The following PCDH15 variants were observed in gnomAD, a reference collection of about 807,000 sequenced individuals.
PCDH15 encodes protocadherin related 15, also known as protocadherin-15.
A neutral mutation model predicts 178.5 loss-of-function variants in PCDH15; 129 were observed. That is an observed-to-expected ratio of 0.72 (90% CI 0.63 to 0.84). PCDH15 has a LOEUF of 0.84. Ranked by LOEUF, PCDH15 falls within the 40% of genes least tolerant of loss-of-function variation. The probability of loss-of-function intolerance (pLI) is 0.00; values close to 1 mark genes in which losing one functional copy is unlikely to be tolerated. For synonymous variants in PCDH15, 800 were observed against 732.0 expected, an observed-to-expected ratio of 1.09 and a Z score of -1.50; for missense variants, 2,230 against 2,099.9, an observed-to-expected ratio of 1.06 and a Z score of -1.21.
At position 54,787,452 on chromosome 10, in the gene PCDH15, T is replaced by C. The variant is rs551675612; in HGVS notation, c.-29+13473A>G. 2.0e-5 allele frequency among the ~76,000 whole-genome samples: 3 copies of C among 152,118 alleles called. No homozygotes were observed. The East Asian group carries it at 5.8e-4, about 30-fold the overall frequency. ...CATTATGTGATAGTCAACAATAGTG[T>C]CAAAATTCTAAACAATTTGATTCAA... is the stretch of plus-strand genomic sequence containing the variant. On this transcript the variant is annotated intron_variant, in intron 1 of 37. Coordinates refer to ENST00000644397, the MANE Select transcript of PCDH15 (RefSeq NM_001384140.1).
rs138386054 is a variant in PCDH15 at position 54,320,674 on chromosome 10, T to A, written c.706-3233A>T. Among the ~76,000 whole-genome samples, 508 of 152,130 alleles carry A rather than the reference T, an allele frequency of 3.3e-3. 12 individuals carry two copies. In the South Asian group the frequency reaches 0.051, roughly 15 times the overall value. On this transcript the variant is annotated intron_variant, in intron 7 of 37. Transcript: ENST00000644397. ...TATAGCTATGTCTATAATATATGAA[T>A]TAATAGACAAATGATGTAATGATTT...
intron 2 of PCDH15, among the ~76,000 whole-genome samples, chr10:55,538,451 TTC>T (rs1841644996): frequency 7.3e-6 from 1 of 137,868 alleles, no homozygotes; most frequent in African/African-American, 2.9e-5. Flanking sequence ...CCTTCCTTCC[TTC>T]TTTCCTTCCT....
At chr10:53,962,074 A>G (rs1283418343) in intron 21 of PCDH15, among the ~76,000 whole-genome samples, 182 bp from the exon 22 acceptor site, 1 of 77,392 alleles carries the variant, frequency 1.3e-5, no homozygotes. Flanking sequence ...ACTCAATCTG[A>G]ATCAATGAAG....
intron 2 of PCDH15, among the ~76,000 whole-genome samples, chr10:55,024,174 TATAGAG>T (rs1003365049): frequency 1.4e-5 from 2 of 146,912 alleles, no homozygotes; most frequent in African/African-American, 5.0e-5. Context: ...AAGGAATATA[TATAGAG>T]AGAGGAAGGA....
chr10:54,450,673 C>T (rs1014455814), intron 3 of PCDH15, among the ~76,000 whole-genome samples: 8 of 151,564 alleles, frequency 5.3e-5, no homozygotes, highest in South Asian at 2.1e-4. Context: ...AGTTATATAG[C>T]GTTACCCACA....
intron 2 of PCDH15, among the ~76,000 whole-genome samples, chr10:55,155,862 G>T (rs1353953900): frequency 6.6e-6 from 1 of 152,026 alleles, no homozygotes; most frequent in Non-Finnish European, 1.5e-5. Flanking sequence ...TATATATTTT[G>T]CTGTAAAGAT....
chr10:54,778,244 T>C (rs1949915524), intron 1 of PCDH15, among the ~76,000 whole-genome samples: 1 of 152,216 alleles, frequency 6.6e-6, no homozygotes, highest in African/African-American at 2.4e-5. Flanking sequence ...TGTGGATTAC[T>C]GATAAATGTC....
At chr10:55,301,571 C>T (rs970684544) in intron 1 of PCDH15, among the ~76,000 whole-genome samples, 2 of 151,842 alleles carry the variant, frequency 1.3e-5, no homozygotes, top group East Asian at 3.9e-4. Context: ...TTAACAGTAT[C>T]GTTTGTACAG....
At chr10:54,061,311 C>G (rs535055820) in intron 18 of PCDH15, among the ~76,000 whole-genome samples, 1 of 152,164 alleles carries the variant, frequency 6.6e-6, no homozygotes, top group Non-Finnish European at 1.5e-5. Context: ...GTGAAATACT[C>G]TCAAGGATAC....
chr10:55,115,320 G>A (rs934467994), intron 2 of PCDH15, among the ~76,000 whole-genome samples: 15 of 152,170 alleles, frequency 9.9e-5, no homozygotes, highest in African/African-American at 3.4e-4. Flanking sequence ...TTTGACACTG[G>A]TAGCATCTAT....
At chr10:54,889,278 G>A (rs1230711043) in intron 3 of PCDH15, among the ~76,000 whole-genome samples, 5 of 151,606 alleles carry the variant, frequency 3.3e-5, no homozygotes, top group African/African-American at 1.2e-4. Context: ...TGCATAGAAG[G>A]GGAAATACTG....
At chr10:54,204,212 G>T (rs1234180035) in intron 10 of PCDH15, among the ~76,000 whole-genome samples, 1 of 152,162 alleles carries the variant, frequency 6.6e-6, no homozygotes, top group South Asian at 2.1e-4. Context: ...CATTGCCATT[G>T]AATTTTTTCA....
chr10:54,726,138 C>A (rs930855602), intron 1 of PCDH15, among the ~76,000 whole-genome samples: 1 of 150,954 alleles, frequency 6.6e-6, no homozygotes, highest in African/African-American at 2.5e-5. Context: ...GAGTGAGCAG[C>A]AATACTACAT....
chr10:54,299,222 A>C (rs1474379698), intron 8 of PCDH15, among the ~76,000 whole-genome samples: 1 of 152,108 alleles, frequency 6.6e-6, no homozygotes, highest in African/African-American at 2.4e-5. Flanking sequence ...AGAGGAAGAG[A>C]CAGAGACAAA....
At chr10:54,755,681 C>T (rs975733986) in intron 1 of PCDH15, among the ~76,000 whole-genome samples, 1 of 151,598 alleles carries the variant, frequency 6.6e-6, no homozygotes, top group African/African-American at 2.4e-5. Context: ...TCTAATCATG[C>T]TCATACATAA....
intron 13 of PCDH15, among the ~76,000 whole-genome samples, chr10:54,165,437 C>T (rs987129661): frequency 6.6e-6 from 1 of 152,104 alleles, no homozygotes; most frequent in East Asian, 1.9e-4. Flanking sequence ...AATAAAACAA[C>T]AAGAAGATGA....
chr10:53,822,417 T>G (rs2076343141), intron 32 of PCDH15: 1 of 1,575,954 alleles, frequency 6.3e-7, no homozygotes, highest in Admixed American at 1.8e-5. Flanking sequence ...AGGAGAAATG[T>G]CAGGAGGAGG....
At chr10:54,460,646 C>T (rs2077108174) in intron 3 of PCDH15, among the ~76,000 whole-genome samples, 1 of 152,012 alleles carries the variant, frequency 6.6e-6, no homozygotes, top group African/African-American at 2.4e-5. Flanking sequence ...TATCATCATG[C>T]ATTTAATATA....
Position 55,363,624 on chromosome 10 carries a change from C to CT in PCDH15, c.-155-196974dup, listed in dbSNP as rs201644027. 3.2e-4 allele frequency among the ~76,000 whole-genome samples: 48 copies of CT among 152,050 alleles called. No homozygotes were observed. The East Asian group carries it at 7.5e-3, about 24-fold the overall frequency. ...ACTTATTTGATACGTTTCGGCTTTTCTTTTTTCTTTTTTTGGTTGGGATGT... is the reference window on the plus strand; with the variant it reads ...ACTTATTTGATACGTTTCGGCTTTTCTTTTTTTCTTTTTTTGGTTGGGATGT... On this transcript the variant is annotated intron_variant, in intron 2 of 5. Transcript: ENST00000613346.
Sources: allele counts gnomAD v4.1 joint callset (sites outside exome capture counted in the v4.1 genomes callset), GRCh38; gene constraint gnomAD v4.1.1; transcripts MANE v1.5; gene names NCBI Gene and HGNC (gene_info 2026-07-23, HGNC 2026-07-21).